DGKB: variants seen among roughly 807,000 people sequenced by gnomAD.
The protein encoded by DGKB is 90 kDa diacylglycerol kinase.
DGKB carries 67 observed loss-of-function variants against 114.3 expected under a neutral mutation model. The observed-to-expected ratio is 0.59, with a 90% CI of 0.48 to 0.72. The LOEUF is 0.72. Ranked by LOEUF, DGKB falls within the 30% of genes least tolerant of loss-of-function variation. The pLI is 0.00. For synonymous variants in DGKB, 398 were observed against 323.1 expected (o/e 1.23, Z -2.49); for missense variants, 907 against 975.2 (o/e 0.93, Z 0.93).
At chr7:14,941,368 T>C (rs1221535858) in intron 1 of DGKB, among the ~76,000 whole-genome samples, 1 of 152,114 alleles carries the variant, frequency 6.6e-6, no homozygotes, top group African/African-American at 2.4e-5. Context: ...TAGAACTGTA[T>C]CATTTTGGGA....
intron 2 of DGKB, among the ~76,000 whole-genome samples, chr7:14,834,034 CTATT>C (rs1360150877): frequency 1.3e-5 from 2 of 152,092 alleles, no homozygotes; most frequent in Non-Finnish European, 2.9e-5. Flanking sequence ...CTTGTGTACT[CTATT>C]TATTATTTAC....
At chr7:14,310,491 G>A (rs1486124024) in intron 23 of DGKB, among the ~76,000 whole-genome samples, 1 of 152,120 alleles carries the variant, frequency 6.6e-6, no homozygotes, top group South Asian at 2.1e-4. Context: ...AGTTCCTATA[G>A]GCAAGACAGA....
chr7:14,973,311 C>A (rs1161162713), intron 1 of DGKB, among the ~76,000 whole-genome samples: 1 of 151,654 alleles, frequency 6.6e-6, no homozygotes. Flanking sequence ...AATGTATTTT[C>A]TTCCTCATCT....
At chr7:14,658,535 A>G (rs1373869662) in intron 13 of DGKB, among the ~76,000 whole-genome samples, 1 of 151,870 alleles carries the variant, frequency 6.6e-6, no homozygotes, top group Non-Finnish European at 1.5e-5. Context: ...CGATAGTTTC[A>G]CACATTGTAT....
chr7:14,661,179 G>A (rs1034966642), intron 13 of DGKB, among the ~76,000 whole-genome samples: 3 of 151,626 alleles, frequency 2.0e-5, no homozygotes, highest in African/African-American at 4.8e-5. Flanking sequence ...AAAAGCAATG[G>A]CAACAAAAGC....
chr7:14,659,707 A>T (rs1212339464), intron 13 of DGKB, among the ~76,000 whole-genome samples: 1 of 147,300 alleles, frequency 6.8e-6, no homozygotes, highest in African/African-American at 2.5e-5. Flanking sequence ...CTCTTTTCCT[A>T]ATTGAATACC....
rs745907365 is a variant in DGKB at position 14,861,478 on chromosome 7, A to G, written c.-187-20028T>C. On this transcript the variant is annotated intron_variant, in intron 1 of 25. Transcript: ENST00000402815. Reference sequence around the variant, plus strand: ...ATTTCACTTGTGAAATACATTGTACATATAGGAAATGTATAGGATTATATA... The same window carrying G: ...ATTTCACTTGTGAAATACATTGTACGTATAGGAAATGTATAGGATTATATA... Among the ~76,000 whole-genome samples the G allele has an allele frequency of 1.1e-4, 16 of 152,102 alleles. No individual in the cohort carries two copies. In the South Asian group the frequency reaches 3.1e-3, roughly 30 times the overall value.
intron 23 of DGKB, among the ~76,000 whole-genome samples, chr7:14,282,790 A>G (rs1249120095): frequency 1.3e-5 from 2 of 152,166 alleles, no homozygotes; most frequent in Non-Finnish European, 2.9e-5. Context: ...GATGCAGAAA[A>G]GGCCTTTGAC....
upstream of DGKB, among the ~76,000 whole-genome samples, chr7:14,908,283 G>T (rs1783813349): frequency 6.6e-6 from 1 of 152,112 alleles, no homozygotes; most frequent in Non-Finnish European, 1.5e-5. Context: ...TAACCCTTGA[G>T]CAATATCCCA....
chr7:14,917,794 T>A lies in DGKB; in HGVS notation c.-188+56902A>T, dbSNP rs1784312207. Among the ~76,000 whole-genome samples, 5 of 151,978 alleles carry A rather than the reference T, an allele frequency of 3.3e-5. No individual in the cohort carries two copies. In the South Asian group the frequency reaches 1.0e-3, roughly 31 times the overall value. ...ATGAAGCTAGCATTACCCTCATATCTAAATCTGACCCTTACAAGAATGAAA... is the reference window on the plus strand; with the variant it reads ...ATGAAGCTAGCATTACCCTCATATCAAAATCTGACCCTTACAAGAATGAAA... On this transcript the variant is annotated intron_variant, in intron 1 of 4. Coordinates refer to the DGKB transcript ENST00000437998.
intron 23 of DGKB, among the ~76,000 whole-genome samples, chr7:14,276,032 G>A (rs913507579): frequency 3.3e-5 from 5 of 152,060 alleles, no homozygotes; most frequent in South Asian, 2.1e-4. Context: ...AGACCTATTC[G>A]TATACAGGGA....
At chr7:14,722,253 G>T (rs1366381420) in intron 5 of DGKB, among the ~76,000 whole-genome samples, 1 of 152,042 alleles carries the variant, frequency 6.6e-6, no homozygotes, top group African/African-American at 2.4e-5. Context: ...TTTCTACTCT[G>T]TTTATTTATC....
chr7:14,450,392 C>T (rs1391350012), intron 21 of DGKB, among the ~76,000 whole-genome samples: 2 of 152,056 alleles, frequency 1.3e-5, no homozygotes, highest in African/African-American at 4.8e-5. Context: ...ACAGACAAGT[C>T]CCAGAGGACT....
intron 20 of DGKB, among the ~76,000 whole-genome samples, chr7:14,536,096 C>T (rs1378813839): frequency 1.3e-5 from 2 of 151,954 alleles, no homozygotes; most frequent in Non-Finnish European, 2.9e-5. Context: ...GCTACTAAGA[C>T]AGAAAGAAGA....
chr7:14,296,409 G>A (rs1802572119), intron 23 of DGKB, among the ~76,000 whole-genome samples: 1 of 152,132 alleles, frequency 6.6e-6, no homozygotes, highest in Admixed American at 6.5e-5. Context: ...TATCATTGAT[G>A]GGCATTTGGG....
At chr7:14,435,443 T>G (rs922873325) in intron 21 of DGKB, among the ~76,000 whole-genome samples, 1 of 152,106 alleles carries the variant, frequency 6.6e-6, no homozygotes, top group Non-Finnish European at 1.5e-5. Flanking sequence ...TATTTAAATG[T>G]CTAAATCACA....
chr7:14,305,343 A>G (rs963111918), intron 23 of DGKB, among the ~76,000 whole-genome samples: 7 of 151,926 alleles, frequency 4.6e-5, no homozygotes, highest in Admixed American at 6.6e-5. Context: ...CATGAGATCA[A>G]TTTTTTTGCT....
At chr7:14,307,325 CAATT>C (rs1456128934) in intron 23 of DGKB, among the ~76,000 whole-genome samples, 3 of 152,082 alleles carry the variant, frequency 2.0e-5, no homozygotes, top group African/African-American at 7.2e-5. Flanking sequence ...TTTCCGACTT[CAATT>C]AATTAAAGTC....
chr7:14,407,814 G>A (rs957699741), intron 21 of DGKB, among the ~76,000 whole-genome samples: 2 of 152,012 alleles, frequency 1.3e-5, no homozygotes, highest in Non-Finnish European at 2.9e-5. Context: ...GAGACTCTTG[G>A]CAAGTGAATG....
Sources: allele counts gnomAD v4.1 joint callset (sites outside exome capture counted in the v4.1 genomes callset), GRCh38; gene constraint gnomAD v4.1.1; transcripts MANE v1.5; gene names NCBI Gene and HGNC (gene_info 2026-07-23, HGNC 2026-07-21).